TRHDE: variants seen among roughly 807,000 people sequenced by gnomAD.
TRHDE encodes thyrotropin-releasing hormone-degrading ectoenzyme.
Under a neutral mutation model 125.7 loss-of-function variants are expected in TRHDE, and 72 were observed. The observed-to-expected ratio is 0.57, with a 90% CI of 0.47 to 0.70. The LOEUF is 0.70. Ranked by LOEUF, TRHDE falls within the 30% of genes least tolerant of loss-of-function variation. The pLI, the probability that TRHDE is intolerant of heterozygous loss-of-function variation, is 0.00. For synonymous variants in TRHDE, 509 were observed against 509.1 expected (o/e 1.00, Z 0.00); for missense variants, 1,110 against 1,327.1 (o/e 0.84, Z 2.54).
intron 2 of TRHDE, among the ~76,000 whole-genome samples, chr12:72,171,442 G>C (rs950589903): frequency 6.6e-6 from 1 of 152,126 alleles, no homozygotes; most frequent in South Asian, 2.1e-4. Context: ...AATGAGAAAG[G>C]GGACTTTTTC....
chr12:72,258,918 G>A (rs1443112092), intron 2 of TRHDE, among the ~76,000 whole-genome samples: 1 of 152,118 alleles, frequency 6.6e-6, no homozygotes, highest in African/African-American at 2.4e-5. Context: ...TTGATTAGGT[G>A]ACATATGATA....
In TRHDE at chr12:72,127,224, T is replaced by G. The variant is rs888529887; in HGVS notation, n.279+21472T>G. On this transcript the variant is annotated intron_variant and non_coding_transcript_variant, in intron 2 of 4. Transcript: ENST00000548156. ...TGGTAAAGCTGCAGAGAAAAGAGAA[T>G]GCTTATACACTGTTGGTGGGAATGT... Among the ~76,000 whole-genome samples the G allele has an allele frequency of 6.6e-5, 10 of 152,194 alleles. No homozygotes were observed. In the South Asian group the frequency reaches 2.1e-3, roughly 31 times the overall value.
chr12:72,093,011 A>T (rs768278151), intron 1 of TRHDE, among the ~76,000 whole-genome samples: 2 of 152,188 alleles, frequency 1.3e-5, no homozygotes, highest in Non-Finnish European at 2.9e-5. Context: ...AAGGAGATTA[A>T]GTTTTGATAG....
At chr12:72,435,001 A>G (rs1430149951) in intron 3 of TRHDE, among the ~76,000 whole-genome samples, 1 of 152,226 alleles carries the variant, frequency 6.6e-6, no homozygotes, top group African/African-American at 2.4e-5. Flanking sequence ...TGGGAATTAC[A>G]GAACTGAGGA....
At chr12:72,459,622 C>A (rs1876029168) in intron 3 of TRHDE, among the ~76,000 whole-genome samples, 1 of 151,932 alleles carries the variant, frequency 6.6e-6, no homozygotes, top group Non-Finnish European at 1.5e-5. Flanking sequence ...AGAGTATAAG[C>A]ATTTTTTTTA....
At chr12:72,454,705 T>A (rs751485855) in intron 3 of TRHDE, among the ~76,000 whole-genome samples, 2 of 152,182 alleles carry the variant, frequency 1.3e-5, no homozygotes, top group Non-Finnish European at 2.9e-5. Flanking sequence ...TACATATAAG[T>A]AGTCTGAGGA....
chr12:72,368,351 T>C (rs1016653354), intron 2 of TRHDE, among the ~76,000 whole-genome samples: 8 of 152,118 alleles, frequency 5.3e-5, no homozygotes, highest in African/African-American at 1.9e-4. Flanking sequence ...TGAATGTGTC[T>C]TCTTTTTTTG....
chr12:72,260,027 T>A (rs570035355), intron 2 of TRHDE, among the ~76,000 whole-genome samples: 1 of 152,168 alleles, frequency 6.6e-6, no homozygotes, highest in Admixed American at 6.5e-5. Context: ...ATACTGAAAA[T>A]ATTGTAAGAT....
intron 6 of TRHDE, among the ~76,000 whole-genome samples, chr12:72,524,933 C>G (rs529156772): frequency 6.6e-6 from 1 of 152,266 alleles, no homozygotes; most frequent in South Asian, 2.1e-4. Context: ...ATGGTTATGT[C>G]TAGTGAATCC....
intron 2 of TRHDE, among the ~76,000 whole-genome samples, chr12:72,141,170 G>A (rs909097001): frequency 6.6e-6 from 1 of 152,096 alleles, no homozygotes; most frequent in Admixed American, 6.6e-5. Context: ...CACCTATGAG[G>A]TGAGTCTTGA....
intron 5 of TRHDE, among the ~76,000 whole-genome samples, chr12:72,479,032 A>AT (rs1326276625): frequency 1.3e-5 from 2 of 151,106 alleles, no homozygotes; most frequent in African/African-American, 2.4e-5. Context: ...CTATATTTAC[A>AT]TTTTTTTCTC....
chr12:72,379,926 A>G (rs1872068461), intron 3 of TRHDE, among the ~76,000 whole-genome samples: 2 of 152,230 alleles, frequency 1.3e-5, no homozygotes. Flanking sequence ...ACAGATATTT[A>G]GACCTATATG....
At chr12:72,531,039 A>G (rs987101154) in intron 6 of TRHDE, among the ~76,000 whole-genome samples, 1 of 151,942 alleles carries the variant, frequency 6.6e-6, no homozygotes, top group African/African-American at 2.4e-5. Context: ...TTAGCATAAC[A>G]TTTTCTTCCC....
intron 12 of TRHDE, among the ~76,000 whole-genome samples, chr12:72,611,903 G>A (rs571423042): frequency 6.6e-5 from 10 of 152,198 alleles, no homozygotes; most frequent in Admixed American, 2.0e-4. Context: ...CTTCTCTATC[G>A]TGAATACTGA....
At chr12:72,235,120 G>A (rs959577045) in intron 2 of TRHDE, among the ~76,000 whole-genome samples, 1 of 152,114 alleles carries the variant, frequency 6.6e-6, no homozygotes, top group Admixed American at 6.6e-5. Context: ...TATGTAACAC[G>A]AACTCTTGAT....
intron 12 of TRHDE, among the ~76,000 whole-genome samples, chr12:72,595,920 G>T (rs1458499601): frequency 6.6e-6 from 1 of 151,994 alleles, no homozygotes; most frequent in Non-Finnish European, 1.5e-5. Context: ...AAATTATATT[G>T]AGCTGAGATT....
intron 15 of TRHDE, among the ~76,000 whole-genome samples, chr12:72,624,283 A>T (rs1873168602): frequency 6.6e-6 from 1 of 151,992 alleles, no homozygotes; most frequent in Non-Finnish European, 1.5e-5. Flanking sequence ...GCAATAGACC[A>T]GTAATCCTTG....
chr12:72,636,104 T>G (rs1214927148), intron 15 of TRHDE, among the ~76,000 whole-genome samples: 44 of 152,112 alleles, frequency 2.9e-4, no homozygotes, highest in African/African-American at 1.1e-3. Flanking sequence ...AGTATGGCCA[T>G]TTTCATGATA....
intron 3 of TRHDE, among the ~76,000 whole-genome samples, chr12:72,460,503 A>C (rs1876076735): frequency 6.6e-6 from 1 of 152,022 alleles, no homozygotes; most frequent in Non-Finnish European, 1.5e-5. Flanking sequence ...CTTTGTCTTT[A>C]TTGTTCAGTG....
Sources: allele counts gnomAD v4.1 joint callset (sites outside exome capture counted in the v4.1 genomes callset), GRCh38; gene constraint gnomAD v4.1.1; transcripts MANE v1.5; gene names NCBI Gene and HGNC (gene_info 2026-07-23, HGNC 2026-07-21).